The following VPS13B variants were observed in gnomAD, a reference collection of about 807,000 sequenced individuals.
VPS13B encodes intermembrane lipid transfer protein VPS13B.
A neutral mutation model predicts 426.4 loss-of-function variants in VPS13B; 285 were observed. The ratio of observed to expected loss-of-function variants is 0.67; its 90% CI spans 0.61 to 0.74. The LOEUF is 0.74. VPS13B is among the 30% of genes least tolerant of loss of function. The probability of loss-of-function intolerance (pLI) is 0.00; values close to 1 mark genes in which losing one functional copy is unlikely to be tolerated. For missense variants in VPS13B, 4,537 were observed against 4,782.6 expected (o/e 0.95, Z 1.51); for synonymous variants, 1,676 against 1,676.4 (o/e 1.00, Z 0.01).
At chr8:99,159,311 AT>A (rs1285930284) in intron 15 of VPS13B, among the ~76,000 whole-genome samples, 2 of 152,234 alleles carry the variant, frequency 1.3e-5, no homozygotes, top group East Asian at 3.9e-4. Flanking sequence ...TGCTGGGAAC[AT>A]TGTTAAATGA....
At chr8:99,683,042 T>G (rs140679005) in intron 35 of VPS13B, among the ~76,000 whole-genome samples, 2 of 152,204 alleles carry the variant, frequency 1.3e-5, no homozygotes, top group South Asian at 4.1e-4. Context: ...TTGAGTTAAT[T>G]TTTATATACA....
At chr8:99,777,095 G>A (rs1563912536) in intron 41 of VPS13B, 139 bp downstream of exon 41, 2 of 1,055,380 alleles carry the variant, frequency 1.9e-6, no homozygotes, top group South Asian at 1.3e-5. Flanking sequence ...AGTTATCCTG[G>A]GGTTGACTTG....
chr8:99,866,681 G>A (rs971037905), intron 58 of VPS13B, among the ~76,000 whole-genome samples: 5 of 152,252 alleles, frequency 3.3e-5, no homozygotes, highest in East Asian at 1.9e-4. Context: ...GCGGGTGACC[G>A]CAGCTGGCCC....
At chr8:99,478,447 G>GTTTTGTTTTTTTTTTTTTTTTT (rs1819822769) in intron 24 of VPS13B, among the ~76,000 whole-genome samples, 1 of 85,778 alleles carries the variant, frequency 1.2e-5, no homozygotes, top group Admixed American at 1.4e-4. Context: ...TTTTTGTTTT[G>GTTTTGTTTTTTTTTTTTTTTTT]TTTTTTTTTT....
chr8:99,105,035 G>C (rs1301230174), intron 5 of VPS13B, among the ~76,000 whole-genome samples: 1 of 152,202 alleles, frequency 6.6e-6, no homozygotes, highest in East Asian at 1.9e-4. Context: ...AAGTGAAATT[G>C]AGTCTCAAGA....
chr8:99,649,664 A>G (rs531956247), intron 34 of VPS13B, among the ~76,000 whole-genome samples: 2 of 151,736 alleles, frequency 1.3e-5, no homozygotes, highest in African/African-American at 2.4e-5. Flanking sequence ...ACACACACAC[A>G]TTGGATATTG....
intron 54 of VPS13B, among the ~76,000 whole-genome samples, chr8:99,836,823 C>G (rs530379933): frequency 6.6e-6 from 1 of 152,314 alleles, no homozygotes; most frequent in East Asian, 1.9e-4. Context: ...ACTTTACATT[C>G]ATTCTCATCT....
chr8:99,848,984 A>G, intron 55 of VPS13B, 90 bp downstream of exon 55: 1 of 1,207,154 alleles, frequency 8.3e-7, no homozygotes, highest in Non-Finnish European at 1.2e-6. Context: ...ATCTCCACAT[A>G]ATGTATTAAA....
chr8:99,471,861 A>G (rs1225048794), intron 24 of VPS13B, among the ~76,000 whole-genome samples: 1 of 152,176 alleles, frequency 6.6e-6, no homozygotes, highest in Admixed American at 6.6e-5. Context: ...TCACAGAGAA[A>G]GTTCACAAAT....
chr8:99,699,974 G>A (rs1317116719), intron 36 of VPS13B, 42 bp downstream of exon 36: 2 of 1,598,656 alleles, frequency 1.3e-6, no homozygotes, highest in African/African-American at 2.7e-5. Flanking sequence ...GAACAAGTAA[G>A]ATGATTTGTT....
chr8:99,798,226 C>T (rs1254848163), intron 43 of VPS13B, among the ~76,000 whole-genome samples: 1 of 84,962 alleles, frequency 1.2e-5, no homozygotes, highest in Non-Finnish European at 2.6e-5. Flanking sequence ...TTGAAATAGC[C>T]AAAAAAAAAA....
At chr8:99,577,420 G>GT in intron 32 of VPS13B, 70 bp from the exon 33 acceptor site, 1 of 1,603,084 alleles carries the variant, frequency 6.2e-7, no homozygotes, top group Non-Finnish European at 8.5e-7. Flanking sequence ...GGTCAAATAA[G>GT]TAAGAATGAT....
intron 19 of VPS13B, among the ~76,000 whole-genome samples, chr8:99,318,962 A>G (rs7812758): frequency 0.024 from 3,631 of 152,248 alleles, 118 homozygotes; most frequent in African/African-American, 0.076. Flanking sequence ...ATCAAATCTA[A>G]TGCCCCTTTT....
rs1250134243 is a variant in VPS13B, at chr8:99,784,482, T to C, written c.7941+6T>C. On this transcript the variant is annotated splice_donor_region_variant and intron_variant, in intron 43 of 61. Transcript: ENST00000357162. ...GCTCTCACAAATCCCCACAGGTATT[T>C]GAGAAACACCCTTACAAACAGCCAT... 1.9e-6 allele frequency: 3 copies of C among 1,613,444 alleles called. No individual in the cohort carries two copies. The highest frequency in any genetic ancestry group is 1.7e-5 in the Admixed American group (1 of 59,950).
chr8:99,257,480 A>C (rs1253677286), intron 17 of VPS13B, among the ~76,000 whole-genome samples: 3 of 152,172 alleles, frequency 2.0e-5, no homozygotes, highest in Non-Finnish European at 4.4e-5. Context: ...ATCTGTGCAT[A>C]GTGAGTAATG....
At chr8:99,233,070 G>T in intron 17 of VPS13B, 1 of 1,316,954 alleles carries the variant, frequency 7.6e-7, no homozygotes, top group Admixed American at 1.7e-5. Flanking sequence ...GCTGTGAGGC[G>T]ACTCCCTGAG....
At chr8:99,860,846 G>A (rs993732013) in intron 57 of VPS13B, among the ~76,000 whole-genome samples, 4 of 152,116 alleles carry the variant, frequency 2.6e-5, no homozygotes, top group African/African-American at 7.2e-5. Context: ...ACAGATTCAC[G>A]GCTCTCACAT....
chr8:99,747,503 A>G (rs754403286), intron 39 of VPS13B, among the ~76,000 whole-genome samples: 2 of 152,058 alleles, frequency 1.3e-5, no homozygotes, highest in Non-Finnish European at 2.9e-5. Context: ...TAGAGAATCT[A>G]TAATCTTATA....
At position 99,113,966 on chromosome 8, in the gene VPS13B, G is replaced by A. The variant is rs1445593354; in HGVS notation, c.763-1734G>A. 3.9e-5 allele frequency among the ~76,000 whole-genome samples: 6 copies of A among 151,920 alleles called. No homozygotes were observed. The South Asian group carries it at 6.2e-4, about 16-fold the overall frequency. On this transcript the variant is annotated intron_variant, in intron 6 of 61. Coordinates refer to ENST00000357162, the MANE Select transcript of VPS13B (RefSeq NM_152564.5). ...CATTTTTTTTGTGTGAGATACATAC[G>A]TTCTGGTGATTATGATGTTTATGAG...
Sources: allele counts gnomAD v4.1 joint callset (sites outside exome capture counted in the v4.1 genomes callset), GRCh38; gene constraint gnomAD v4.1.1; transcripts MANE v1.5; gene names NCBI Gene and HGNC (gene_info 2026-07-23, HGNC 2026-07-21).